FYN: variants seen among roughly 807,000 people sequenced by gnomAD.
The protein encoded by FYN is tyrosine-protein kinase Fyn.
Under a neutral mutation model 70.2 loss-of-function variants are expected in FYN, and 10 were observed. That is an observed-to-expected ratio of 0.14 (90% CI 0.09 to 0.24). The LOEUF is 0.24. Ranked by LOEUF, FYN falls within the 10% of genes least tolerant of loss-of-function variation. FYN has a pLI of 1.00. For missense variants in FYN, 319 were observed against 673.1 expected (o/e 0.47, Z 5.82); for synonymous variants, 236 against 248.6 (o/e 0.95, Z 0.48).
Position 111,810,898 on chromosome 6 carries a change from TC to T in FYN, c.-81-30264del, listed in dbSNP as rs1772303874. Among the ~76,000 whole-genome samples, 3 of 152,370 alleles carry T rather than the reference TC, an allele frequency of 2.0e-5. No individual in the cohort carries two copies. In the South Asian group the frequency reaches 6.2e-4, roughly 32 times the overall value. Reference sequence around the variant, plus strand: ...CTTCACTTTGGAGTTAGGGTCCTTTTCCTATCCACTGTTGTTTACTTGTTTT... The same window carrying T: ...CTTCACTTTGGAGTTAGGGTCCTTTTCTATCCACTGTTGTTTACTTGTTTT... On this transcript the variant is annotated intron_variant, in intron 2 of 13. Coordinates refer to ENST00000354650, the MANE Select transcript of FYN (RefSeq NM_002037.5).
At chr6:111,751,996 T>C (rs1389371513) in intron 3 of FYN, among the ~76,000 whole-genome samples, 1 of 152,198 alleles carries the variant, frequency 6.6e-6, no homozygotes, top group African/African-American at 2.4e-5. Context: ...TTCCTAAGCA[T>C]GTAAATCAAG....
chr6:111,770,524 A>G (rs777972366), intron 3 of FYN, among the ~76,000 whole-genome samples: 102 of 152,298 alleles, frequency 6.7e-4, no homozygotes, highest in East Asian at 3.9e-4. Context: ...TGTAGACTGA[A>G]AACTTTAGCT....
intron 2 of FYN, among the ~76,000 whole-genome samples, chr6:111,826,333 T>C (rs1772833529): frequency 6.6e-6 from 1 of 152,180 alleles, no homozygotes; most frequent in African/African-American, 2.4e-5. Flanking sequence ...CCTTAAGAAG[T>C]ACGCGTGTGT....
At chr6:111,817,329 G>A (rs1443985099) in intron 2 of FYN, among the ~76,000 whole-genome samples, 1 of 152,076 alleles carries the variant, frequency 6.6e-6, no homozygotes, top group Admixed American at 6.5e-5. Flanking sequence ...GTATTATTAA[G>A]TAACAGATAA....
rs142719067 is a variant in FYN, at chr6:111,854,226, C to T, written c.-122-7597G>A. Among the ~76,000 whole-genome samples the T allele has an allele frequency of 6.4e-3, 969 of 152,288 alleles. 7 individuals carry two copies. The highest frequency in any genetic ancestry group is 9.1e-3 in the Non-Finnish European group (618 of 68,036). ...TGAGACGACTATACAGTGAAGGGAA[C>T]GTTCATGTTAACATGTGATTAAAGC... is the stretch of plus-strand genomic sequence containing the variant. On this transcript the variant is annotated intron_variant, in intron 1 of 13. Transcript: ENST00000354650.
intron 6 of FYN, among the ~76,000 whole-genome samples, chr6:111,706,257 G>A (rs706868): frequency 0.024 from 3,599 of 152,298 alleles, 148 homozygotes; most frequent in African/African-American, 0.077. Context: ...AAGGGAGAAT[G>A]CTGGAGCATT....
chr6:111,785,967 C>T (rs1022029695), intron 2 of FYN, among the ~76,000 whole-genome samples: 11 of 151,978 alleles, frequency 7.2e-5, no homozygotes, highest in African/African-American at 2.7e-4. Flanking sequence ...TGGTTTCCAG[C>T]TTCATCCATG....
chr6:111,835,799 G>C (rs1321912179), intron 2 of FYN, among the ~76,000 whole-genome samples: 4 of 144,618 alleles, frequency 2.8e-5, no homozygotes, highest in African/African-American at 1.1e-4. Context: ...AAGGCAAAAA[G>C]GAAAAAAGGA....
intron 2 of FYN, among the ~76,000 whole-genome samples, chr6:111,789,743 C>T (rs1031155052): frequency 4.6e-5 from 7 of 152,130 alleles, no homozygotes; most frequent in African/African-American, 7.2e-5. Flanking sequence ...TGAATTCTTC[C>T]GACTTGCCCT....
chr6:111,776,027 C>T (rs1470695767), intron 3 of FYN, among the ~76,000 whole-genome samples: 2 of 152,192 alleles, frequency 1.3e-5, no homozygotes, highest in Non-Finnish European at 2.9e-5. Context: ...ATCTCAGCTT[C>T]TCCTCCCCCT....
intron 12 of FYN, among the ~76,000 whole-genome samples, chr6:111,682,758 T>C (rs1028600165): frequency 1.3e-5 from 2 of 152,206 alleles, no homozygotes; most frequent in Admixed American, 6.5e-5. Context: ...GATTTGCTGG[T>C]TGATCATTTA....
At chr6:111,716,489 T>C (rs1800648568) in intron 4 of FYN, among the ~76,000 whole-genome samples, 1 of 152,184 alleles carries the variant, frequency 6.6e-6, no homozygotes, top group African/African-American at 2.4e-5. Context: ...TCTGTGTACC[T>C]AGTACAGTTA....
At chr6:111,826,194 T>C (rs538780377) in intron 2 of FYN, among the ~76,000 whole-genome samples, 60 of 152,166 alleles carry the variant, frequency 3.9e-4, no homozygotes, top group African/African-American at 1.4e-3. Context: ...CATTTCGGTG[T>C]TTCAGTTTTT....
rs1348998243 is a variant in FYN at position 111,704,109 on chromosome 6, A to G, written c.444-7T>C. ...AAGTTTTCCAAAGTACCACCTTTAA[A>G]TTAGATCAAGGAAAGAAAATATTTT... is the stretch of plus-strand genomic sequence containing the variant. On this transcript the variant is annotated splice_polypyrimidine_tract_variant and splice_region_variant and intron_variant, in intron 6 of 13. Coordinates refer to ENST00000354650, the MANE Select transcript of FYN (RefSeq NM_002037.5). 1.2e-6 allele frequency: 2 copies of G among 1,610,008 alleles called. No homozygotes were observed. The highest frequency in any genetic ancestry group is 1.1e-5 in the South Asian group (1 of 90,784).
At chr6:111,678,059 T>G (rs1798611950) in intron 12 of FYN, among the ~76,000 whole-genome samples, 2 of 151,650 alleles carry the variant, frequency 1.3e-5, no homozygotes, top group Non-Finnish European at 2.9e-5. Flanking sequence ...CTGAATTAGC[T>G]TAACAGTTTA....
intron 2 of FYN, among the ~76,000 whole-genome samples, chr6:111,799,399 G>T (rs1342190454): frequency 6.6e-6 from 1 of 152,136 alleles, no homozygotes. Context: ...AAAATACAGA[G>T]ACATTAAAAT....
intron 1 of FYN, among the ~76,000 whole-genome samples, chr6:111,869,134 C>T (rs569536893): frequency 1.3e-5 from 2 of 152,196 alleles, no homozygotes; most frequent in Non-Finnish European, 2.9e-5. Flanking sequence ...ATTTGGAAGC[C>T]TGTGGAGAAC....
intron 5 of FYN, among the ~76,000 whole-genome samples, chr6:111,708,633 C>T (rs894792323): frequency 2.6e-5 from 4 of 152,152 alleles, no homozygotes; most frequent in Non-Finnish European, 4.4e-5. Flanking sequence ...GGATCACCTT[C>T]CCCAGGCATT....
At chr6:111,757,153 G>A (rs1471927064) in intron 3 of FYN, among the ~76,000 whole-genome samples, 1 of 152,148 alleles carries the variant, frequency 6.6e-6, no homozygotes, top group Non-Finnish European at 1.5e-5. Flanking sequence ...TCAGCAAACG[G>A]CTAAGTATTA....
Sources: gnomAD v4.1 joint callset for allele counts (sites outside exome capture counted in the v4.1 genomes callset) on GRCh38, gnomAD v4.1.1 for gene constraint, MANE v1.5 for transcripts, NCBI Gene and HGNC (gene_info 2026-07-23, HGNC 2026-07-21) for gene names.